The following ADGRD1 variants were observed in gnomAD, a reference collection of about 807,000 sequenced individuals.
The protein encoded by ADGRD1 is G-protein coupled receptor 133.
In ADGRD1, 77 loss-of-function variants were observed where a neutral mutation model predicts 113.4. The observed-to-expected ratio is 0.68, with a 90% confidence interval of 0.57 to 0.82. The LOEUF is 0.82. Among genes scored for constraint, ADGRD1 ranks in the 40% least tolerant of loss-of-function variants. The pLI is 0.00. For missense variants in ADGRD1, 1,036 were observed against 1,139.1 expected (o/e 0.91, Z 1.30); for synonymous variants, 474 against 475.0 (o/e 1.00, Z 0.03).
chr12:131,137,352 G>A (rs568362249), intron 23 of ADGRD1, among the ~76,000 whole-genome samples: 40 of 152,230 alleles, frequency 2.6e-4, no homozygotes, highest in Non-Finnish European at 4.3e-4. Context: ...TTCTGTCCAC[G>A]GGAGCTGGGA....
At chr12:130,956,254 T>G (rs564863624) in intron 2 of ADGRD1, 1 of 152,378 alleles carries the variant, frequency 6.6e-6, no homozygotes, top group Non-Finnish European at 1.5e-5. Context: ...CTGTCTCCTT[T>G]CCGGCTGCCC....
intron 15 of ADGRD1, among the ~76,000 whole-genome samples, chr12:131,098,170 G>GGTGGCCGCTGTCTGTGCCT (rs1566107473): frequency 8.3e-6 from 1 of 120,910 alleles, no homozygotes; most frequent in Non-Finnish European, 1.7e-5. Context: ...TCCTTCTCCC[G>GGTGGCCGCTGTCTGTGCCT]CAGTGGCTGC....
At chr12:131,049,423 C>T (rs923655265) in intron 13 of ADGRD1, among the ~76,000 whole-genome samples, 4 of 152,200 alleles carry the variant, frequency 2.6e-5, no homozygotes, top group Non-Finnish European at 5.9e-5. Flanking sequence ...AACGTCTTTT[C>T]GATCTCCATG....
intron 8 of ADGRD1, among the ~76,000 whole-genome samples, chr12:130,996,365 G>A (rs1480740052): frequency 4.6e-5 from 6 of 130,380 alleles, no homozygotes; most frequent in African/African-American, 1.1e-4. Context: ...GGGCAGAGGC[G>A]CCCCTCACCT....
At chr12:131,004,392 G>C in intron 11 of ADGRD1, 96 bp downstream of exon 11, 1 of 790,710 alleles carries the variant, frequency 1.3e-6, no homozygotes, top group Non-Finnish European at 2.1e-6. Context: ...GCGCCAGGGA[G>C]CTGCGGTGCT....
chr12:131,139,107 G>C, intron 24 of ADGRD1, 61 bp from the exon 25 acceptor site: 1 of 1,332,370 alleles, frequency 7.5e-7, no homozygotes, highest in Admixed American at 1.7e-5. Context: ...CGCACTCACT[G>C]GGCTTATGGC....
chr12:130,991,573 C>T (rs919872551), intron 7 of ADGRD1, among the ~76,000 whole-genome samples: 1 of 152,152 alleles, frequency 6.6e-6, no homozygotes, highest in African/African-American at 2.4e-5. Context: ...GAGTAAGCCT[C>T]TCTGCGCTTA....
At chr12:131,124,939 TCA>T (rs1950706732) in intron 20 of ADGRD1, among the ~76,000 whole-genome samples, 1 of 152,324 alleles carries the variant, frequency 6.6e-6, no homozygotes, top group East Asian at 1.9e-4. Context: ...ATTTATTTTC[TCA>T]CAGTTTTGGA....
At chr12:130,958,550 TCG>T (rs1869958705) in intron 2 of ADGRD1, among the ~76,000 whole-genome samples, 1 of 152,084 alleles carries the variant, frequency 6.6e-6, no homozygotes, top group African/African-American at 2.4e-5. Flanking sequence ...TCTGCTCACC[TCG>T]TTTCCTGCTG....
In ADGRD1 at chr12:131,003,128, G is replaced by T; in HGVS notation, c.1027-57G>T. On this transcript the variant is annotated intron_variant, in intron 9 of 24. Coordinates refer to ENST00000261654, the MANE Select transcript of ADGRD1 (RefSeq NM_198827.5). This position sits in a 1 kb window ranked among gnomAD's most constrained non-coding sequence, Gnocchi z 4.8. ...TTTTGTGTGCCTGGTGCACCTGCCT[G>T]GTGCCCTGGCTGAGTGGGGTGGATT... The T allele has an allele frequency of 7.3e-7, 1 of 1,363,336 alleles. No homozygotes were observed. Among genetic ancestry groups the T allele is most frequent in the Non-Finnish European group, 1.1e-6 (1 of 952,306 alleles). 84.5% of individuals were successfully genotyped at this position (1,363,336 alleles called of 1,614,324 possible). A position where few individuals can be genotyped will look rare whatever the true frequency, so the allele number is the denominator to read the frequency against.
intron 15 of ADGRD1, among the ~76,000 whole-genome samples, chr12:131,094,536 T>A (rs994213908): frequency 2.6e-5 from 4 of 151,840 alleles, no homozygotes; most frequent in African/African-American, 9.7e-5. Flanking sequence ...CAGAAGAGGG[T>A]CCTGCCTTGC....
intron 6 of ADGRD1, 85 bp downstream of exon 6, chr12:130,987,434 C>A: frequency 6.6e-7 from 1 of 1,510,282 alleles, no homozygotes; most frequent in East Asian, 2.3e-5. Flanking sequence ...CCCACTCTCC[C>A]GTTGCAGCTA....
At chr12:131,020,621 G>A (rs1272028466) in intron 13 of ADGRD1, among the ~76,000 whole-genome samples, 2 of 152,274 alleles carry the variant, frequency 1.3e-5, no homozygotes, top group Non-Finnish European at 2.9e-5. Flanking sequence ...GCAGTTGCCC[G>A]AGCTGTGGAT....
At chr12:131,123,002 G>A (rs544390880) in intron 20 of ADGRD1, among the ~76,000 whole-genome samples, 1 of 136,876 alleles carries the variant, frequency 7.3e-6, no homozygotes, top group Non-Finnish European at 1.5e-5. Flanking sequence ...GACAGAATGA[G>A]CCCTCAAACT....
At position 130,966,954 on chromosome 12, in the gene ADGRD1, C is replaced by G. The variant is rs534974047; in HGVS notation, c.187+408C>G. ...TTTACTAGAATTTTTATAGAGAGAG[C>G]TATTGCGTATTGAATGGGAGAATTT... On this transcript the variant is annotated intron_variant, in intron 3 of 24. Transcript: ENST00000261654. The surrounding 1 kb of genome is among the most constrained non-coding windows in gnomAD (Gnocchi z 4.6). 31 of 446,968 alleles carry G rather than the reference C, an allele frequency of 6.9e-5. No individual in the cohort carries two copies. Among genetic ancestry groups the G allele is most frequent in the African/African-American group, 5.8e-4 (29 of 49,998 alleles). The allele number at this position is 446,968 out of a possible 1,614,324, so 27.7% of individuals were successfully genotyped here.
At position 130,992,205 on chromosome 12, in the gene ADGRD1, T is replaced by C. The variant is rs1233012370; in HGVS notation, c.811-32T>C. 5 of 1,583,838 alleles carry C rather than the reference T, an allele frequency of 3.2e-6. No individual in the cohort carries two copies. In the South Asian group the frequency reaches 5.7e-5, roughly 18 times the overall value. On this transcript the variant is annotated intron_variant, in intron 7 of 24. Coordinates refer to ENST00000261654, the MANE Select transcript of ADGRD1 (RefSeq NM_198827.5). The stretch of plus-strand genomic sequence containing the variant: ...TGTATAATATTTTGGTTTTAGTTCT[T>C]AGTAGAAACTCATGTTGCCAATTTC...
At chr12:130,986,302 A>T (rs1453056633) in intron 5 of ADGRD1, among the ~76,000 whole-genome samples, 1 of 152,114 alleles carries the variant, frequency 6.6e-6, no homozygotes, top group Non-Finnish European at 1.5e-5. Context: ...CTCTCCATTT[A>T]TTTAGTTCTT....
chr12:131,024,367 T>A (rs1272637990), intron 13 of ADGRD1: 1 of 152,172 alleles, frequency 6.6e-6, no homozygotes, highest in Non-Finnish European at 1.5e-5. Context: ...CTTCTAGTGG[T>A]CCCTAAAGCC....
intron 5 of ADGRD1, among the ~76,000 whole-genome samples, chr12:130,983,346 A>G (rs1386475045): frequency 1.3e-5 from 2 of 151,972 alleles, no homozygotes; most frequent in Admixed American, 6.6e-5. Context: ...ATCTACTTCA[A>G]ATTTGCCCTC....
Sources: allele counts gnomAD v4.1 joint callset (sites outside exome capture counted in the v4.1 genomes callset), GRCh38; gene constraint gnomAD v4.1.1; non-coding constraint Gnocchi (gnomAD v3.1); transcripts MANE v1.5; gene names NCBI Gene and HGNC (gene_info 2026-07-23, HGNC 2026-07-21).